The following FAM3B variants were observed in gnomAD, a reference collection of about 807,000 sequenced individuals.
FAM3B encodes the protein protein FAM3B.
Under a neutral mutation model 28.4 loss-of-function variants are expected in FAM3B, and 29 were observed. That is an observed-to-expected ratio of 1.02 (90% CI 0.76 to 1.39). The LOEUF (loss-of-function observed/expected upper bound fraction) is 1.39. Among genes scored for constraint, FAM3B ranks in the 40% most tolerant of loss-of-function variants. The pLI, the probability that FAM3B is intolerant of heterozygous loss-of-function variation, is 0.00. For missense variants in FAM3B, 266 were observed against 293.9 expected, an observed-to-expected ratio of 0.91 and a Z score of 0.69; for synonymous variants, 91 against 103.0, an observed-to-expected ratio of 0.88 and a Z score of 0.71.
At chr21:41,337,682 C>T (rs577352441) in intron 2 of FAM3B, among the ~76,000 whole-genome samples, 11 of 150,810 alleles carry the variant, frequency 7.3e-5, no homozygotes, top group African/African-American at 1.9e-4. Context: ...TGGTGTGGTG[C>T]GTGTGTGTAC....
chr21:41,357,321 A>G lies in FAM3B; in HGVS notation c.*124A>G. 2.0e-6 allele frequency: 1 copy of G among 512,316 alleles called. No homozygotes were observed. Among genetic ancestry groups the G allele is most frequent in the Middle Eastern group, 2.9e-4 (1 of 3,392 alleles). The allele number at this position is 512,316 out of a possible 1,614,324, so 31.7% of individuals were successfully genotyped here. ...AGTATTTTGGGTTTGTTGTAAACCA[A>G]TGAACATTTGCTAGTTGTATCAAAT... On this transcript the variant is annotated 3_prime_UTR_variant, in exon 8 of 8. Coordinates refer to ENST00000357985, the MANE Select transcript of FAM3B (RefSeq NM_058186.4).
At chr21:41,353,076 A>T (rs2089136363) in intron 7 of FAM3B, among the ~76,000 whole-genome samples, 2 of 152,234 alleles carry the variant, frequency 1.3e-5, no homozygotes, top group African/African-American at 4.8e-5. Flanking sequence ...AACAGTATCA[A>T]AAAGAATAAA....
At chr21:41,334,532 G>T (rs911171633) in intron 2 of FAM3B, among the ~76,000 whole-genome samples, 1 of 152,134 alleles carries the variant, frequency 6.6e-6, no homozygotes, top group Admixed American at 6.6e-5. Flanking sequence ...AGCCTGGGGG[G>T]TATTCACATG....
rs768247354 is a variant in FAM3B, at chr21:41,339,232, A to G, written c.287+731A>G. Among the ~76,000 whole-genome samples the G allele has an allele frequency of 7.2e-4, 110 of 152,218 alleles. 1 individual carries two copies. Among genetic ancestry groups the G allele is most frequent in the Non-Finnish European group, 2.1e-4 (14 of 68,040 alleles). ...TTTTAACTGCAAATTTAATTGATGT[A>G]ATAAGTACAGCACTACTTAAGTTAT... On this transcript the variant is annotated intron_variant, in intron 3 of 7. Transcript: ENST00000357985.
At position 41,323,009 on chromosome 21, in the gene FAM3B, C is replaced by A; in HGVS notation, c.106C>A (p.Pro36Thr). ...YLLAELIPDAPLSSAAYSIRS... is the reference protein window; with the variant it reads ...YLLAELIPDATLSSAAYSIRS... ...GCTCGCAGAGCTCATTCCAGATGCA[C>A]CCCTGTCCAGTGCTGCCTATAGCAT... is the stretch of plus-strand genomic sequence containing the variant. The change falls in exon 2 of 8, where the codon CCC becomes ACC. Residue 36 changes from proline to threonine, a missense_variant. Coordinates refer to ENST00000357985, the MANE Select transcript of FAM3B (RefSeq NM_058186.4). The A allele has an allele frequency of 6.2e-7, 1 of 1,610,546 alleles. No individual in the cohort carries two copies. Among genetic ancestry groups the A allele is most frequent in the Non-Finnish European group, 8.5e-7 (1 of 1,180,018 alleles).
chr21:41,330,542 T>C (rs770677355), intron 2 of FAM3B, among the ~76,000 whole-genome samples: 10 of 152,226 alleles, frequency 6.6e-5, no homozygotes, highest in Admixed American at 2.0e-4. Context: ...TCCTCCTGTG[T>C]AGCTGAAACT....
chr21:41,352,057 C>A (rs370884585), intron 7 of FAM3B, among the ~76,000 whole-genome samples: 7 of 152,296 alleles, frequency 4.6e-5, no homozygotes, highest in Admixed American at 3.9e-4. Flanking sequence ...TCATTCTCAT[C>A]GCCTCCAGCA....
intron 7 of FAM3B, among the ~76,000 whole-genome samples, chr21:41,352,820 T>TAAATAAATAAATAAATAAAC (rs61423023): frequency 0.021 from 3,090 of 150,090 alleles, 114 homozygotes; most frequent in African/African-American, 0.071. Flanking sequence ...AATAAATAAA[T>TAAATAAATAAATAAATAAAC]AAATAAAGGA....
In FAM3B at chr21:41,345,752, CT is replaced by C. The variant is rs769381648; in HGVS notation, c.397+17del. ...TATGAAGGTGGTAAGAAAATTTTTT[CT>C]GTTAAAATTCAAATGAATTTTAAAC... On this transcript the variant is annotated intron_variant, in intron 5 of 7. Transcript: ENST00000357985. 8.2e-6 allele frequency: 12 copies of C among 1,467,294 alleles called. No individual in the cohort carries two copies. In the African/African-American group the frequency reaches 1.6e-4, roughly 19 times the overall value. The allele number at this position is 1,467,294 out of a possible 1,614,324, so 90.9% of individuals were successfully genotyped here. A position where few individuals can be genotyped will look rare whatever the true frequency, so the allele number is the denominator to read the frequency against.
intron 4 of FAM3B, among the ~76,000 whole-genome samples, chr21:41,345,188 C>T (rs111885696): frequency 1.3e-4 from 16 of 127,892 alleles, no homozygotes; most frequent in Admixed American, 3.3e-4. Flanking sequence ...TGGGATGAGG[C>T]GGGTGGGCCT....
At chr21:41,323,333 C>T (rs778911272) in intron 2 of FAM3B, among the ~76,000 whole-genome samples, 1 of 152,174 alleles carries the variant, frequency 6.6e-6, no homozygotes. Context: ...CTCTTTCCGC[C>T]CAGATCTTGG....
At chr21:41,346,852 G>A (rs1435081422) in intron 5 of FAM3B, among the ~76,000 whole-genome samples, 161 bp from the exon 6 acceptor site, 3 of 152,028 alleles carry the variant, frequency 2.0e-5, no homozygotes, top group Non-Finnish European at 4.4e-5. Context: ...ATGTTCACAC[G>A]TCCAGAGCTA....
intron 2 of FAM3B, among the ~76,000 whole-genome samples, chr21:41,331,430 T>C (rs1262106586): frequency 6.6e-6 from 1 of 152,218 alleles, no homozygotes; most frequent in African/African-American, 2.4e-5. Context: ...GTGCAGAAGC[T>C]TTTTGGCTTG....
chr21:41,335,546 G>A (rs547032068), intron 2 of FAM3B, among the ~76,000 whole-genome samples: 66 of 152,098 alleles, frequency 4.3e-4, no homozygotes, highest in Non-Finnish European at 8.4e-4. Flanking sequence ...CTCCCGCTTT[G>A]CCTTCCACCA....
In FAM3B at chr21:41,323,091, G is replaced by A. The variant is rs374196970; in HGVS notation, c.163+25G>A. On this transcript the variant is annotated intron_variant, in intron 2 of 7. Transcript: ENST00000357985. ...GGTGAGTGCCGTGCTTGGGGCAGAC[G>A]GCTGCCTTCATGGCTTGTGTGCAGA... is the stretch of plus-strand genomic sequence containing the variant. 30 of 1,598,540 alleles carry A rather than the reference G, an allele frequency of 1.9e-5. No individual in the cohort carries two copies. In the African/African-American group the frequency reaches 2.4e-4, roughly 13 times the overall value.
At chr21:41,323,212 A>C in intron 2 of FAM3B, 146 bp downstream of exon 2, 1 of 1,109,448 alleles carries the variant, frequency 9.0e-7, no homozygotes. Context: ...GCAGTTACTC[A>C]TTTAGGTCCC....
At chr21:41,316,989 C>A in intron 1 of FAM3B, 91 bp downstream of exon 1, 1 of 1,141,912 alleles carries the variant, frequency 8.8e-7, no homozygotes, top group Non-Finnish European at 1.1e-6. Flanking sequence ...TGGGACCCGC[C>A]ACGCTTAGCA....
chr21:41,332,828 C>T (rs1015277379), intron 2 of FAM3B, among the ~76,000 whole-genome samples: 2 of 152,002 alleles, frequency 1.3e-5, no homozygotes, highest in African/African-American at 4.8e-5. Flanking sequence ...TCTTCTCTTT[C>T]TTTTTTTCTC....
chr21:41,328,059 G>A lies in FAM3B; in HGVS notation c.163+4993G>A, dbSNP rs2088869293. On this transcript the variant is annotated intron_variant, in intron 2 of 7. Transcript: ENST00000357985. Reference sequence around the variant, plus strand: ...AGTGTTTCTGAGACACAATTCATAAGTTTCTGACAGCAGGGCCTGGTTAAA... The same window carrying A: ...AGTGTTTCTGAGACACAATTCATAAATTTCTGACAGCAGGGCCTGGTTAAA... Among the ~76,000 whole-genome samples, 5 of 152,330 alleles carry A rather than the reference G, an allele frequency of 3.3e-5. No individual in the cohort carries two copies. In the South Asian group the frequency reaches 1.0e-3, roughly 32 times the overall value.
Sources: allele counts gnomAD v4.1 joint callset (sites outside exome capture counted in the v4.1 genomes callset), GRCh38; gene constraint gnomAD v4.1.1; transcripts MANE v1.5; gene names NCBI Gene and HGNC (gene_info 2026-07-23, HGNC 2026-07-21).